Variants in JPH2 observed in about 807,000 individuals in gnomAD.
The protein encoded by JPH2 is junctophilin 2.
Under a neutral mutation model 55.9 loss-of-function variants are expected in JPH2, and 38 were observed. The observed-to-expected ratio is 0.68, with a 90% CI of 0.52 to 0.89. The LOEUF is 0.89. Among genes scored for constraint, JPH2 ranks in the 40% least tolerant of loss-of-function variants. JPH2 has a pLI of 0.00. For missense variants in JPH2, 964 were observed against 1,037.6 expected (o/e 0.93, Z 0.97); for synonymous variants, 480 against 472.4 (o/e 1.02, Z -0.21).
intron 2 of JPH2, among the ~76,000 whole-genome samples, chr20:44,128,990 T>G (rs2072296125): frequency 6.6e-6 from 1 of 152,136 alleles, no homozygotes; most frequent in East Asian, 1.9e-4. Context: ...TTGTGGGGAT[T>G]AGAGAGAGAA....
intron 2 of JPH2, among the ~76,000 whole-genome samples, chr20:44,144,402 C>T (rs12480926): frequency 0.13 from 19,443 of 152,152 alleles, 1,462 homozygotes; most frequent in South Asian, 0.19. Flanking sequence ...CTACAAACAT[C>T]GCCTCGTATT....
intron 1 of JPH2, among the ~76,000 whole-genome samples, chr20:44,162,767 TATATATATATATATATATATACAC>T (rs1302673336): frequency 2.1e-4 from 16 of 75,340 alleles, no homozygotes; most frequent in East Asian, 1.2e-3. Context: ...TATATATATA[TATATATATATATATATATATACAC>T]ACACACACAC....
At chr20:44,174,468 A>G (rs895571963) in intron 1 of JPH2, among the ~76,000 whole-genome samples, 2 of 152,166 alleles carry the variant, frequency 1.3e-5, no homozygotes, top group African/African-American at 4.8e-5. Flanking sequence ...TGGAGGAAGC[A>G]CTTTTTAAAA....
rs1300809509 is a variant in JPH2 at position 44,186,485 on chromosome 20, A to G, written c.221T>C (p.Ile74Thr). 1.2e-6 allele frequency: 2 copies of G among 1,613,946 alleles called. No homozygotes were observed. The highest frequency in any genetic ancestry group is 1.7e-5 in the Admixed American group (1 of 60,004). ...GTAGAGCCAGCGCCCCTTGGTCTCT[A>G]TGCCCAGCCCATGCCGTTTGCCCTG... ...WSQGKRHGLG[I>T]ETKGRWLYKG... The change falls in exon 1 of 6, where the codon ATA becomes ACA. Residue 74 changes from isoleucine (I) to threonine (T), a missense_variant. Physicochemically the swap from Ile to Thr is moderately conservative, Grantham distance 89. Coordinates refer to ENST00000372980, the MANE Select transcript of JPH2 (RefSeq NM_020433.5).
chr20:44,137,976 G>T (rs569625321), intron 2 of JPH2, among the ~76,000 whole-genome samples: 9 of 151,688 alleles, frequency 5.9e-5, no homozygotes, highest in Non-Finnish European at 1.0e-4. Flanking sequence ...TGTAGAAAGT[G>T]CATCTGTAAA....
intron 2 of JPH2, among the ~76,000 whole-genome samples, chr20:44,127,309 T>C (rs1280210777): frequency 6.6e-6 from 1 of 152,174 alleles, no homozygotes; most frequent in African/African-American, 2.4e-5. Context: ...TTTATTCCTC[T>C]TGAGTATATA....
In JPH2 at chr20:44,159,820, G is replaced by A. The variant is rs745718761; in HGVS notation, c.967C>T (p.Arg323Cys). Residue 323 changes from arginine (R) to cysteine (C), a missense_variant, in exon 2 of 6, where the codon CGC becomes TGC. Transcript: ENST00000372980. This position sits in a 1 kb window ranked among gnomAD's most constrained non-coding sequence, Gnocchi z 5.7. ...AGCGTGGTGCAGCCATAGCCGTGGC[G>A]CAGGTTGTCCAGCCACTCGCCCTCG... ...RYEGEWLDNL[R>C]HGYGCTTLPD... 3 of 1,613,368 alleles carry A rather than the reference G, an allele frequency of 1.9e-6. No individual in the cohort carries two copies. Among genetic ancestry groups the A allele is most frequent in the Admixed American group, 1.7e-5 (1 of 60,004 alleles).
At chr20:44,117,694 G>T (rs570591821) in intron 3 of JPH2, among the ~76,000 whole-genome samples, 1 of 152,158 alleles carries the variant, frequency 6.6e-6, no homozygotes, top group South Asian at 2.1e-4. Context: ...TGTTCAGCCT[G>T]CAAGATTCAG....
At chr20:44,185,918 G>C (rs562544711) in intron 1 of JPH2, among the ~76,000 whole-genome samples, 25 of 152,164 alleles carry the variant, frequency 1.6e-4, no homozygotes, top group African/African-American at 5.3e-4. Context: ...GGATGGGTGG[G>C]TGGATGAATA....
intron 2 of JPH2, among the ~76,000 whole-genome samples, chr20:44,151,319 C>G (rs1362648376): frequency 6.6e-6 from 1 of 152,124 alleles, no homozygotes; most frequent in African/African-American, 2.4e-5. Flanking sequence ...GGGTTTGAGA[C>G]CAGCCTGGCC....
rs748233107 is a variant in JPH2, at chr20:44,159,754, C to G, written c.1033G>C (p.Val345Leu). 164 of 1,613,618 alleles carry G rather than the reference C, an allele frequency of 1.0e-4. No homozygotes were observed. Among genetic ancestry groups the G allele is most frequent in the Non-Finnish European group, 1.3e-4 (151 of 1,179,972 alleles). Residue 345 changes from valine (V) to leucine (L), a missense_variant, in exon 2 of 6, where the codon GTG (valine) becomes CTG (leucine). By Grantham distance (32) the Val-to-Leu change is conservative. Transcript: ENST00000372980. The surrounding 1 kb of genome is among the most constrained non-coding windows in gnomAD (Gnocchi z 5.7). ...HREEGKYRHN[V>L]LVKDTKRRML... is the part of the protein sequence containing the mutation. ...CGGCGCTTGGTGTCCTTGACCAGCA[C>G]GTTGTGGCGGTACTTGCCCTCCTCG... is the stretch of plus-strand genomic sequence containing the variant.
chr20:44,128,424 C>A (rs1301376545), intron 2 of JPH2, among the ~76,000 whole-genome samples: 1 of 152,160 alleles, frequency 6.6e-6, no homozygotes, highest in South Asian at 2.1e-4. Flanking sequence ...ATGGCCCCTG[C>A]TCTTGAAGGT....
chr20:44,128,124 A>G (rs2072290676), intron 2 of JPH2, among the ~76,000 whole-genome samples: 1 of 152,160 alleles, frequency 6.6e-6, no homozygotes, highest in African/African-American at 2.4e-5. Context: ...ATGGAGTCCA[A>G]TTTAGCTATC....
At chr20:44,153,562 T>C (rs547931499) in intron 2 of JPH2, among the ~76,000 whole-genome samples, 4 of 152,234 alleles carry the variant, frequency 2.6e-5, no homozygotes, top group Admixed American at 1.3e-4. Flanking sequence ...GCTGAGGGGA[T>C]AGAAGACAGA....
Position 44,115,877 on chromosome 20 carries a change from C to A in JPH2, c.1798G>T (p.Ala600Ser). ...SGSESAPSSP[A>S]TAPLQAPTLR... The stretch of plus-strand genomic sequence containing the variant: ...GTGGGGGCCTGCAGCGGGGCGGTGG[C>A]CGGGGACGAGGGCGCGGACTCGGAC... The change falls in exon 4 of 6, where the codon GCC (alanine) becomes TCC (serine). Residue 600 changes from alanine (A) to serine (S), a missense_variant. Coordinates refer to ENST00000372980, the MANE Select transcript of JPH2 (RefSeq NM_020433.5). 1 of 1,583,628 alleles carries A rather than the reference C, an allele frequency of 6.3e-7. No homozygotes were observed.
chr20:44,122,772 C>T (rs1211329413), intron 2 of JPH2, among the ~76,000 whole-genome samples: 1 of 152,134 alleles, frequency 6.6e-6, no homozygotes, highest in Non-Finnish European at 1.5e-5. Context: ...AGGAGAATGA[C>T]ATCTGTACAT....
In JPH2 at chr20:44,134,573, ATT is replaced by A. The variant is rs1170718889; in HGVS notation, c.1170-15952_1170-15951del. ...TTATAATATATATAAATAAATATAT[ATT>A]TATTATAAATATATATAAATATATA... On this transcript the variant is annotated intron_variant, in intron 2 of 5. Coordinates refer to ENST00000372980, the MANE Select transcript of JPH2 (RefSeq NM_020433.5). 1.7e-4 allele frequency among the ~76,000 whole-genome samples: 7 copies of A among 40,394 alleles called. 1 individual carries two copies. The highest frequency in any genetic ancestry group is 1.2e-3 in the Admixed American group (2 of 1,734). 26.5% of individuals were successfully genotyped at this position (40,394 alleles called of 152,430 possible).
intron 1 of JPH2, chr20:44,177,928 G>A (rs1249501184): frequency 2.8e-6 from 4 of 1,431,886 alleles, no homozygotes; most frequent in Non-Finnish European, 3.0e-6. Flanking sequence ...TCATTGTCTT[G>A]TTTCATTGTC....
Position 44,160,432 on chromosome 20 carries a change from A to G in JPH2, c.380-25T>C. On this transcript the variant is annotated intron_variant, in intron 1 of 5. Transcript: ENST00000372980. The surrounding 1 kb of genome is among the most constrained non-coding windows in gnomAD (Gnocchi z 4.9). ...CCTGCGGGCGAGGAGAGGGCGCGTC[A>G]GTAGGCGGCACGACGGGTCCCCGCG... 6.2e-7 allele frequency: 1 copy of G among 1,602,038 alleles called. No homozygotes were observed. Among genetic ancestry groups the G allele is most frequent in the Non-Finnish European group, 8.5e-7 (1 of 1,175,198 alleles).
Sources: allele counts gnomAD v4.1 joint callset (sites outside exome capture counted in the v4.1 genomes callset), GRCh38; gene constraint gnomAD v4.1.1; non-coding constraint Gnocchi (gnomAD v3.1); transcripts MANE v1.5; gene names NCBI Gene and HGNC (gene_info 2026-07-23, HGNC 2026-07-21).